Variants in LHFPL6 observed in about 807,000 individuals in gnomAD.
LHFPL6 encodes the protein LHFPL tetraspan subfamily member 6 protein.
Under a neutral mutation model 20.6 loss-of-function variants are expected in LHFPL6, and 9 were observed. The observed-to-expected ratio is 0.44, with a 90% confidence interval of 0.26 to 0.76. The LOEUF (loss-of-function observed/expected upper bound fraction) is 0.76, where lower values mean the gene tolerates loss of function less well. LHFPL6 is among the 30% of genes least tolerant of loss of function. LHFPL6 has a pLI of 0.20. For synonymous variants in LHFPL6, 105 were observed against 98.7 expected, an observed-to-expected ratio of 1.06 and a Z score of -0.38; for missense variants, 218 against 253.5, an observed-to-expected ratio of 0.86 and a Z score of 0.95.
chr13:39,496,433 A>G (rs1869103184), intron 2 of LHFPL6, among the ~76,000 whole-genome samples: 1 of 152,194 alleles, frequency 6.6e-6, no homozygotes, highest in Non-Finnish European at 1.5e-5. Flanking sequence ...AGGGGCACAA[A>G]CATCCAGACG....
intron 2 of LHFPL6, among the ~76,000 whole-genome samples, chr13:39,419,939 G>A (rs1327434742): frequency 6.6e-6 from 1 of 152,118 alleles, no homozygotes; most frequent in Non-Finnish European, 1.5e-5. Flanking sequence ...AAGTAAAAAT[G>A]TCGAGAATAA....
chr13:39,343,651 T>TG lies in LHFPL6; in HGVS notation c.*284dup. On this transcript the variant is annotated 3_prime_UTR_variant, in exon 4 of 4. Coordinates refer to ENST00000379589, the MANE Select transcript of LHFPL6 (RefSeq NM_005780.3). ...TGTGTGTGTGTGTGTGTGTGTGTGT[T>TG]GTACATTAACAATACTCTGTGGAAT... 1 of 282,292 alleles carries TG rather than the reference T, an allele frequency of 3.5e-6. No homozygotes were observed. The highest frequency in any genetic ancestry group is 2.5e-5 in the African/African-American group (1 of 39,678). 17.5% of individuals were successfully genotyped at this position (282,292 alleles called of 1,614,324 possible). A position where few individuals can be genotyped will look rare whatever the true frequency, so the allele number is the denominator to read the frequency against.
intron 2 of LHFPL6, among the ~76,000 whole-genome samples, chr13:39,474,713 T>C (rs1315583614): frequency 6.6e-6 from 1 of 152,086 alleles, no homozygotes; most frequent in Non-Finnish European, 1.5e-5. Context: ...TTGAGATAAG[T>C]ACTGGACAAG....
chr13:39,462,642 G>A (rs1024595590), intron 2 of LHFPL6, among the ~76,000 whole-genome samples: 1 of 151,656 alleles, frequency 6.6e-6, no homozygotes, highest in African/African-American at 2.4e-5. Flanking sequence ...CTCTCACTCT[G>A]TGAAGTGGGC....
intron 2 of LHFPL6, among the ~76,000 whole-genome samples, chr13:39,477,815 G>C (rs1873121166): frequency 6.6e-6 from 1 of 152,132 alleles, no homozygotes; most frequent in South Asian, 2.1e-4. Context: ...CTCTTCGTAT[G>C]GTTTATGTCA....
At chr13:39,492,042 G>A (rs956709284) in intron 2 of LHFPL6, among the ~76,000 whole-genome samples, 1 of 152,188 alleles carries the variant, frequency 6.6e-6, no homozygotes, top group African/African-American at 2.4e-5. Flanking sequence ...TCTGGCAGAT[G>A]GGAACGGTTT....
chr13:39,503,473 G>A (rs572282901), intron 2 of LHFPL6, among the ~76,000 whole-genome samples: 111 of 152,082 alleles, frequency 7.3e-4, no homozygotes, highest in African/African-American at 2.6e-3. Context: ...CTGCCACTTT[G>A]TTTCTTTTTG....
At chr13:39,562,389 CAT>C (rs111450691) in intron 2 of LHFPL6, among the ~76,000 whole-genome samples, 2,036 of 40,400 alleles carry the variant, frequency 0.05, 183 homozygotes, top group Admixed American at 0.12. Flanking sequence ...TATACATATA[CAT>C]ATATATACAT....
intron 3 of LHFPL6, among the ~76,000 whole-genome samples, chr13:39,358,613 A>G (rs974513729): frequency 6.6e-6 from 1 of 152,174 alleles, no homozygotes; most frequent in Admixed American, 6.5e-5. Context: ...AGCCTACAGA[A>G]TGGGAGAAAA....
chr13:39,403,021 C>T (rs916974750), intron 2 of LHFPL6, among the ~76,000 whole-genome samples: 1 of 152,156 alleles, frequency 6.6e-6, no homozygotes, highest in African/African-American at 2.4e-5. Flanking sequence ...ACCAAAGGGT[C>T]CTCGAAGGAA....
At chr13:39,439,268 C>T (rs1364813761) in intron 2 of LHFPL6, among the ~76,000 whole-genome samples, 1 of 152,194 alleles carries the variant, frequency 6.6e-6, no homozygotes, top group Admixed American at 6.5e-5. Context: ...CTGCTGGGTG[C>T]AGGACTTGCC....
At chr13:39,509,673 G>T (rs1437163225) in intron 2 of LHFPL6, among the ~76,000 whole-genome samples, 1 of 152,142 alleles carries the variant, frequency 6.6e-6, no homozygotes, top group Non-Finnish European at 1.5e-5. Flanking sequence ...TTAAAATAAA[G>T]ATGGGGCCAG....
intron 2 of LHFPL6, among the ~76,000 whole-genome samples, chr13:39,380,448 C>T (rs1023097852): frequency 6.6e-6 from 1 of 151,878 alleles, no homozygotes; most frequent in Non-Finnish European, 1.5e-5. Flanking sequence ...TATTTACAGC[C>T]ACTCCCCATT....
rs568089803 is a variant in LHFPL6 at position 39,398,686 on chromosome 13, C to T, written c.386-20160G>A. Among the ~76,000 whole-genome samples, 11 of 152,346 alleles carry T rather than the reference C, an allele frequency of 7.2e-5. No individual in the cohort carries two copies. The South Asian group carries it at 2.1e-3, about 29-fold the overall frequency. On this transcript the variant is annotated intron_variant, in intron 2 of 3. Coordinates refer to ENST00000379589, the MANE Select transcript of LHFPL6 (RefSeq NM_005780.3). ...CTGGGCCACAGACCGCTACCAGTCCCTGGCCTGTTAGGAACAGGGCCGCAG... is the reference window on the plus strand; with the variant it reads ...CTGGGCCACAGACCGCTACCAGTCCTTGGCCTGTTAGGAACAGGGCCGCAG...
At chr13:39,383,115 G>C (rs1490563198) in intron 2 of LHFPL6, among the ~76,000 whole-genome samples, 4 of 152,142 alleles carry the variant, frequency 2.6e-5, no homozygotes, top group African/African-American at 9.7e-5. Flanking sequence ...TTATTAGTAA[G>C]CTGGCACGAA....
At chr13:39,474,247 A>C (rs1431624054) in intron 2 of LHFPL6, among the ~76,000 whole-genome samples, 1 of 152,198 alleles carries the variant, frequency 6.6e-6, no homozygotes, top group East Asian at 1.9e-4. Flanking sequence ...AAAAGGAACA[A>C]ATTGTCTACT....
chr13:39,373,519 A>G (rs1452585263), intron 3 of LHFPL6, among the ~76,000 whole-genome samples: 1 of 152,236 alleles, frequency 6.6e-6, no homozygotes, highest in African/African-American at 2.4e-5. Flanking sequence ...ACTGCCACTC[A>G]ACAAGAAAAT....
chr13:39,512,055 G>A (rs1869725693), intron 2 of LHFPL6, among the ~76,000 whole-genome samples: 1 of 152,170 alleles, frequency 6.6e-6, no homozygotes, highest in South Asian at 2.1e-4. Flanking sequence ...AAGTGGGATG[G>A]ATGGTTAAAA....
chr13:39,427,959 T>A (rs1419331707), intron 2 of LHFPL6, among the ~76,000 whole-genome samples: 1 of 152,206 alleles, frequency 6.6e-6, no homozygotes, highest in African/African-American at 2.4e-5. Context: ...ACTCCAGCCA[T>A]GTGAAGTGCT....
Sources: allele counts gnomAD v4.1 joint callset (sites outside exome capture counted in the v4.1 genomes callset), GRCh38; gene constraint gnomAD v4.1.1; transcripts MANE v1.5; gene names NCBI Gene and HGNC (gene_info 2026-07-23, HGNC 2026-07-21).